Variants in NDST3 observed in about 807,000 individuals in gnomAD.
NDST3 encodes the protein N-deacetylase and N-sulfotransferase 3, also known as bifunctional heparan sulfate N-deacetylase/N-sulfotransferase 3.
In NDST3, 58 loss-of-function variants were observed where a neutral mutation model predicts 96.1. That is an observed-to-expected ratio of 0.60 (90% CI 0.49 to 0.75). The LOEUF is 0.75. Among genes scored for constraint, NDST3 ranks in the 30% least tolerant of loss-of-function variants. The pLI, the probability that NDST3 is intolerant of heterozygous loss-of-function variation, is 0.00. For missense variants in NDST3, 788 were observed against 1,034.2 expected (o/e 0.76, Z 3.27); for synonymous variants, 333 against 359.7 (o/e 0.93, Z 0.84).
chr4:118,101,002 A>C (rs1389608199), intron 2 of NDST3, among the ~76,000 whole-genome samples: 4 of 152,152 alleles, frequency 2.6e-5, no homozygotes, highest in Admixed American at 2.0e-4. Context: ...GATTGACTAT[A>C]AAATATTAAC....
chr4:118,242,716 A>C (rs975614347), intron 12 of NDST3, among the ~76,000 whole-genome samples: 1 of 152,078 alleles, frequency 6.6e-6, no homozygotes, highest in African/African-American at 2.4e-5. Flanking sequence ...TCAGCAGTTA[A>C]AGCACTGGTT....
chr4:118,207,925 G>A (rs1307816843), intron 6 of NDST3, among the ~76,000 whole-genome samples: 1 of 144,132 alleles, frequency 6.9e-6, no homozygotes, highest in Non-Finnish European at 1.5e-5. Context: ...AAGTCTCCTT[G>A]TGCCTCTTAT....
At chr4:118,142,258 A>G (rs1666752913) in intron 5 of NDST3, among the ~76,000 whole-genome samples, 1 of 151,908 alleles carries the variant, frequency 6.6e-6, no homozygotes, top group African/African-American at 2.4e-5. Flanking sequence ...AATAGCTTCT[A>G]AGGATATAAC....
chr4:118,243,025 G>A (rs908500296), intron 12 of NDST3, among the ~76,000 whole-genome samples: 4 of 152,018 alleles, frequency 2.6e-5, no homozygotes, highest in African/African-American at 7.2e-5. Context: ...CCTACCACAT[G>A]TGTAGAGCAA....
chr4:118,228,348 C>T (rs1019075465), intron 8 of NDST3, among the ~76,000 whole-genome samples: 5 of 152,194 alleles, frequency 3.3e-5, no homozygotes, highest in African/African-American at 9.7e-5. Context: ...AGACTGATAA[C>T]ATCCTGAAGG....
At position 118,034,495 on chromosome 4, in the gene NDST3, A is replaced by G. The variant is rs1258042940; in HGVS notation, c.-253A>G. 3 of 152,184 alleles carry G rather than the reference A, an allele frequency of 2.0e-5. No individual in the cohort carries two copies. The highest frequency in any genetic ancestry group is 4.8e-5 in the African/African-American group (2 of 41,432). 9.4% of individuals were successfully genotyped at this position (152,184 alleles called of 1,614,324 possible). On this transcript the variant is annotated 5_prime_UTR_variant, in exon 1 of 14. Transcript: ENST00000296499. ...GGTGTTGCTACCACTTGTAAAGTCA[A>G]AAAGCCTGAGCCGATGGTAACGAGT... is the stretch of plus-strand genomic sequence containing the variant.
intron 12 of NDST3, among the ~76,000 whole-genome samples, chr4:118,246,859 G>A (rs1008176681): frequency 6.6e-6 from 1 of 152,042 alleles, no homozygotes; most frequent in African/African-American, 2.4e-5. Flanking sequence ...TTGACACGTG[G>A]GGATTATTAA....
intron 2 of NDST3, among the ~76,000 whole-genome samples, chr4:118,083,037 T>G (rs1318690710): frequency 1.3e-5 from 2 of 152,086 alleles, no homozygotes; most frequent in African/African-American, 4.8e-5. Flanking sequence ...TTCAGTCACC[T>G]CCCACCAGGA....
chr4:118,047,054 C>T (rs1442387586), intron 1 of NDST3, among the ~76,000 whole-genome samples: 1 of 152,228 alleles, frequency 6.6e-6, no homozygotes, highest in Non-Finnish European at 1.5e-5. Context: ...GTGAGAAATA[C>T]AGAGGAGCCA....
intron 1 of NDST3, among the ~76,000 whole-genome samples, chr4:118,043,047 C>T (rs144174998): frequency 1.1e-4 from 17 of 152,256 alleles, no homozygotes; most frequent in East Asian, 3.9e-4. Flanking sequence ...AATATACTTC[C>T]GTGGTGTCCA....
chr4:118,176,983 T>C (rs1197742968), intron 6 of NDST3, among the ~76,000 whole-genome samples: 3 of 151,960 alleles, frequency 2.0e-5, no homozygotes, highest in Non-Finnish European at 4.4e-5. Context: ...AAATAGACAA[T>C]GAATTATCTA....
intron 12 of NDST3, among the ~76,000 whole-genome samples, chr4:118,250,577 C>A (rs1283607535): frequency 6.6e-6 from 1 of 151,970 alleles, no homozygotes; most frequent in Non-Finnish European, 1.5e-5. Context: ...CTCTGCCCCC[C>A]AGGTTCAAGT....
chr4:118,115,678 A>C (rs1731026715), intron 4 of NDST3, among the ~76,000 whole-genome samples: 3 of 152,218 alleles, frequency 2.0e-5, no homozygotes, highest in Non-Finnish European at 4.4e-5. Flanking sequence ...GCACATTATG[A>C]AGAAAAATGT....
At chr4:118,040,867 TTA>T (rs1327236266) in intron 1 of NDST3, among the ~76,000 whole-genome samples, 790 of 42,648 alleles carry the variant, frequency 0.019, 8 homozygotes, top group African/African-American at 0.027. Flanking sequence ...TTATATATTT[TTA>T]TATATATATA....
intron 4 of NDST3, among the ~76,000 whole-genome samples, chr4:118,132,752 C>A (rs553127810): frequency 4.6e-5 from 7 of 152,206 alleles, no homozygotes; most frequent in Admixed American, 2.0e-4. Flanking sequence ...ATTCAGGGTC[C>A]GAGGGCTCTT....
chr4:118,137,311 C>T (rs182412624), intron 4 of NDST3, among the ~76,000 whole-genome samples: 9 of 151,264 alleles, frequency 5.9e-5, no homozygotes, highest in East Asian at 3.9e-4. Flanking sequence ...CTAAAAGACA[C>T]GTTTCATTTT....
At chr4:118,040,393 A>T (rs1381142819) in intron 1 of NDST3, among the ~76,000 whole-genome samples, 2 of 151,986 alleles carry the variant, frequency 1.3e-5, no homozygotes, top group Non-Finnish European at 2.9e-5. Flanking sequence ...GAGGGGTGAA[A>T]AGAAGCCCAA....
At chr4:118,199,133 T>A (rs13109564) in intron 6 of NDST3, among the ~76,000 whole-genome samples, 9,281 of 152,246 alleles carry the variant, frequency 0.061, 381 homozygotes, top group Non-Finnish European at 0.092. Flanking sequence ...TCCCTTTGAA[T>A]AAAGTTTCTA....
intron 8 of NDST3, among the ~76,000 whole-genome samples, chr4:118,228,226 T>C (rs1740035229): frequency 1.3e-5 from 2 of 152,236 alleles, no homozygotes; most frequent in Non-Finnish European, 1.5e-5. Flanking sequence ...TACATTTTTC[T>C]TGTCCTTATT....
Sources: gnomAD v4.1 joint callset for allele counts (sites outside exome capture counted in the v4.1 genomes callset) on GRCh38, gnomAD v4.1.1 for gene constraint, MANE v1.5 for transcripts, NCBI Gene and HGNC (gene_info 2026-07-23, HGNC 2026-07-21) for gene names.